ZNF638: variants seen among roughly 807,000 people sequenced by gnomAD.
ZNF638 encodes the protein CTCL tumor antigen se33-1.
A neutral mutation model predicts 195.6 loss-of-function variants in ZNF638; 46 were observed. That is an observed-to-expected ratio of 0.24 (90% CI 0.19 to 0.30). The LOEUF (loss-of-function observed/expected upper bound fraction) is 0.30, where lower values mean the gene tolerates loss of function less well. Ranked by LOEUF, ZNF638 falls within the 10% of genes least tolerant of loss-of-function variation. The probability of loss-of-function intolerance (pLI) is 1.00; values close to 1 mark genes in which losing one functional copy is unlikely to be tolerated. For missense variants in ZNF638, 2,440 were observed against 2,325.3 expected, an observed-to-expected ratio of 1.05 and a Z score of -1.01; for synonymous variants, 845 against 772.0, an observed-to-expected ratio of 1.09 and a Z score of -1.57.
In ZNF638 at chr2:71,350,164, A is replaced by G. The variant is rs1004008336; in HGVS notation, c.1210A>G (p.Met404Val). Reference sequence around the variant, plus strand: ...GTTTTCACATGCTGATGCCCAGAAGATGAAGAGACTTCCAACTCCTTCTAT... The same window carrying G: ...GTTTTCACATGCTGATGCCCAGAAGGTGAAGAGACTTCCAACTCCTTCTAT... Reference protein sequence around the residue: ...PKFSHADAQKMKRLPTPSMMN... With the variant: ...PKFSHADAQKVKRLPTPSMMN... The change falls in exon 2 of 28, where the codon ATG becomes GTG. Residue 404 changes from methionine to valine, a missense_variant. By Grantham distance (21) the Met-to-Val change is conservative. Transcript: ENST00000264447. 1.1e-5 allele frequency: 18 copies of G among 1,613,400 alleles called. No individual in the cohort carries two copies. The highest frequency in any genetic ancestry group is 1.4e-5 in the Non-Finnish European group (17 of 1,180,038).
chr2:71,406,569 CT>C (rs2080109633), intron 19 of ZNF638, among the ~76,000 whole-genome samples: 1 of 152,124 alleles, frequency 6.6e-6, no homozygotes, highest in South Asian at 2.1e-4. Context: ...CTGATTTTAA[CT>C]ATCTTTGTGG....
intron 20 of ZNF638, among the ~76,000 whole-genome samples, chr2:71,411,615 TCCCTCCCCCCTC>T (rs2080229699): frequency 9.0e-6 from 1 of 110,626 alleles, no homozygotes; most frequent in Non-Finnish European, 1.8e-5. Context: ...CCCAATGCTA[TCCCTCCCCCCTC>T]CCCTGACCCC....
chr2:71,399,673 CTTTGT>C, intron 13 of ZNF638, 28 bp downstream of exon 13: 1 of 1,549,208 alleles, frequency 6.5e-7, no homozygotes, highest in Non-Finnish European at 8.8e-7. Flanking sequence ...TCATTCAGTG[CTTTGT>C]TTTCTTTTCT....
At chr2:71,395,359 TAGG>T in intron 10 of ZNF638, 1 of 711,848 alleles carries the variant, frequency 1.4e-6, no homozygotes, top group Non-Finnish European at 2.6e-6. Context: ...GGGGGAGATG[TAGG>T]AGATCAGTCA....
At chr2:71,431,547 C>T (rs1006438642) in intron 26 of ZNF638, 119 bp downstream of exon 26, 129 of 761,630 alleles carry the variant, frequency 1.7e-4, no homozygotes, top group Non-Finnish European at 5.0e-5. Context: ...ATCACTAGGT[C>T]AGGAGATTGA....
chr2:71,344,463 C>T (rs1024923396), intron 1 of ZNF638, among the ~76,000 whole-genome samples: 8 of 152,196 alleles, frequency 5.3e-5, no homozygotes, highest in Admixed American at 1.3e-4. Flanking sequence ...TCATGAGATA[C>T]TAGCTCCATC....
chr2:71,433,896 T>A (rs1558892258), intron 27 of ZNF638, among the ~76,000 whole-genome samples: 1 of 152,190 alleles, frequency 6.6e-6, no homozygotes, highest in Non-Finnish European at 1.5e-5. Context: ...ATTCCAATCT[T>A]AAAGATGAGA....
intron 1 of ZNF638, among the ~76,000 whole-genome samples, chr2:71,345,065 G>A (rs1049318125): frequency 6.6e-6 from 1 of 152,188 alleles, no homozygotes; most frequent in Admixed American, 6.5e-5. Flanking sequence ...AGTATGGTAT[G>A]AGAATGACAT....
intron 18 of ZNF638, 145 bp downstream of exon 18, chr2:71,405,787 CAATA>C (rs1262946700): frequency 2.9e-6 from 2 of 684,244 alleles, no homozygotes; most frequent in African/African-American, 3.7e-5. Flanking sequence ...TTCTTGGTAA[CAATA>C]AAAAAATAAA....
chr2:71,428,556 C>T lies in ZNF638; in HGVS notation c.5555C>T (p.Pro1852Leu), dbSNP rs2080587994. The stretch of plus-strand genomic sequence containing the variant: ...GACTTTCTTTTTAAAGCTAAAACTC[C>T]AACCAAGAGAGTTAGAATTGGGAAA... ...MIERHLTAKT[P>L]TKRVRIGKTL... The change falls in exon 25 of 28, where the codon CCA (proline) becomes CTA (leucine). Residue 1852 changes from proline to leucine, a missense_variant. By Grantham distance (98) the Pro-to-Leu change is moderately conservative. Coordinates refer to ENST00000264447, the MANE Select transcript of ZNF638 (RefSeq NM_014497.5). 2 of 1,612,144 alleles carry T rather than the reference C, an allele frequency of 1.2e-6. No homozygotes were observed. The highest frequency in any genetic ancestry group is 1.7e-6 in the Non-Finnish European group (2 of 1,179,494).
intron 10 of ZNF638, among the ~76,000 whole-genome samples, chr2:71,391,426 C>A (rs369243922): frequency 2.6e-5 from 4 of 152,164 alleles, no homozygotes; most frequent in Admixed American, 2.0e-4. Context: ...TACCATGTGT[C>A]AGCATCATGT....
At position 71,368,241 on chromosome 2, in the gene ZNF638, A is replaced by G. The variant is rs2079241203; in HGVS notation, c.1996-141A>G. ...AAATGCGTAAAGGAGGTGGTGAAGG[A>G]AAAAGAAAAATGGGTAAAAAATATG... On this transcript the variant is annotated intron_variant, in intron 6 of 27. Coordinates refer to ENST00000264447, the MANE Select transcript of ZNF638 (RefSeq NM_014497.5). 5.7e-6 allele frequency: 4 copies of G among 705,120 alleles called. No homozygotes were observed. In the South Asian group the frequency reaches 1.3e-4, roughly 22 times the overall value. The allele number at this position is 705,120 out of a possible 1,614,324, so 43.7% of individuals were successfully genotyped here.
chr2:71,343,157 T>G (rs986948380), intron 1 of ZNF638, among the ~76,000 whole-genome samples: 8 of 152,210 alleles, frequency 5.3e-5, no homozygotes, highest in Non-Finnish European at 8.8e-5. Flanking sequence ...CTCAGCCTTG[T>G]TATAATACTG....
intron 1 of ZNF638, among the ~76,000 whole-genome samples, chr2:71,342,096 G>C (rs1305699632): frequency 6.6e-6 from 1 of 150,896 alleles, no homozygotes; most frequent in Non-Finnish European, 1.5e-5. Context: ...AGTTAAAAAA[G>C]TCAAGTGGGA....
intron 10 of ZNF638, among the ~76,000 whole-genome samples, chr2:71,394,223 C>G (rs2079847142): frequency 6.6e-6 from 1 of 152,268 alleles, no homozygotes; most frequent in East Asian, 1.9e-4. Context: ...AGTTTCATAG[C>G]CATGTCCGTT....
intron 2 of ZNF638, among the ~76,000 whole-genome samples, chr2:71,355,052 T>A (rs908024269): frequency 1.3e-5 from 2 of 152,248 alleles, no homozygotes; most frequent in African/African-American, 4.8e-5. Context: ...CACTGCAAGC[T>A]CCGCCTCCCG....
chr2:71,339,307 C>G (rs1438656531), intron 1 of ZNF638, among the ~76,000 whole-genome samples: 1 of 152,096 alleles, frequency 6.6e-6, no homozygotes, highest in Non-Finnish European at 1.5e-5. Flanking sequence ...CGCCTGCCAG[C>G]ACACCCGGCT....
In ZNF638 at chr2:71,348,910, A is replaced by T. The variant is rs763207310; in HGVS notation, c.-45A>T. The T allele has an allele frequency of 6.2e-7, 1 of 1,614,114 alleles. No homozygotes were observed. The highest frequency in any genetic ancestry group is 1.1e-5 in the South Asian group (1 of 91,074). ...GAATGCCGTTGCCTCACATGGTTCAACACCACCTTATACTTTATTAAATCA... is the reference window on the plus strand; with the variant it reads ...GAATGCCGTTGCCTCACATGGTTCATCACCACCTTATACTTTATTAAATCA... On this transcript the variant is annotated 5_prime_UTR_variant, in exon 2 of 28. Coordinates refer to ENST00000264447, the MANE Select transcript of ZNF638 (RefSeq NM_014497.5).
chr2:71,380,236 GA>G lies in ZNF638; in HGVS notation c.2285del (p.Lys762ArgfsTer3). The stretch of plus-strand genomic sequence containing the variant: ...TTCCTACGTAGAACAAAGAGGTGAA[GA>G]AAAAGACTTTAGAGTCAAAGAAAGT... ...KKKAQNKEVK[K>X]KTLESKKVSA... On this transcript the variant is annotated frameshift_variant, in exon 9 of 28. Transcript: ENST00000264447. LOFTEE classifies it high-confidence loss of function. The G allele has an allele frequency of 1.3e-6, 2 of 1,558,956 alleles. No homozygotes were observed. The highest frequency in any genetic ancestry group is 1.2e-5 in the South Asian group (1 of 80,940).
Sources: allele counts gnomAD v4.1 joint callset (sites outside exome capture counted in the v4.1 genomes callset), GRCh38; gene constraint gnomAD v4.1.1; transcripts MANE v1.5; gene names NCBI Gene and HGNC (gene_info 2026-07-23, HGNC 2026-07-21).